The following KCTD1 variants were observed in gnomAD, a reference collection of about 807,000 sequenced individuals.
The protein encoded by KCTD1 is potassium channel tetramerization domain containing 1, also known as BTB/POZ domain-containing protein KCTD1.
In KCTD1, 24 loss-of-function variants were observed where a neutral mutation model predicts 66.0. The ratio of observed to expected loss-of-function variants is 0.36; its 90% CI spans 0.26 to 0.51. The LOEUF (loss-of-function observed/expected upper bound fraction) is 0.51. Ranked by LOEUF, KCTD1 falls within the 20% of genes least tolerant of loss-of-function variation. The pLI, the probability that KCTD1 is intolerant of heterozygous loss-of-function variation, is 0.95. For missense variants in KCTD1, 943 were observed against 1,205.2 expected (o/e 0.78, Z 3.22); for synonymous variants, 511 against 517.2 (o/e 0.99, Z 0.16).
chr18:26,610,594 AAAGG>A (rs1235940822), intron 1 of KCTD1, among the ~76,000 whole-genome samples: 123 of 147,686 alleles, frequency 8.3e-4, no homozygotes, highest in Admixed American at 2.9e-3. Context: ...AGAGAGAAAG[AAAGG>A]AAGGAAGGAA....
At chr18:26,496,984 G>A (rs1982510117) in intron 2 of KCTD1, among the ~76,000 whole-genome samples, 1 of 152,120 alleles carries the variant, frequency 6.6e-6, no homozygotes, top group Non-Finnish European at 1.5e-5. Context: ...TATTGGTCTG[G>A]AGCAGGGCCT....
At chr18:26,549,441 C>G (rs529357146), upstream of KCTD1, 1 of 985,526 alleles carries the variant, frequency 1.0e-6, no homozygotes, top group East Asian at 1.1e-4. Context: ...TCCAGCCAGC[C>G]CCGGGAAGGA....
intron 3 of KCTD1, among the ~76,000 whole-genome samples, chr18:26,473,687 C>A (rs1394304758): frequency 1.3e-5 from 2 of 152,096 alleles, no homozygotes; most frequent in Non-Finnish European, 2.9e-5. Flanking sequence ...AGCCATGTTG[C>A]ACAAACCAAA....
At chr18:26,639,395 T>C (rs1987789324) in intron 1 of KCTD1, among the ~76,000 whole-genome samples, 1 of 152,044 alleles carries the variant, frequency 6.6e-6, no homozygotes, top group Non-Finnish European at 1.5e-5. Context: ...GGTTCCTATC[T>C]TGTAGGCAGT....
At chr18:26,656,749 C>G (rs1321737835) in intron 1 of KCTD1, among the ~76,000 whole-genome samples, 2 of 151,196 alleles carry the variant, frequency 1.3e-5, no homozygotes, top group Non-Finnish European at 3.0e-5. Flanking sequence ...AGCGCAGCCC[C>G]GGGCGCCGCC....
intron 1 of KCTD1, among the ~76,000 whole-genome samples, chr18:26,521,104 A>G (rs1382046420): frequency 6.6e-6 from 1 of 152,238 alleles, no homozygotes; most frequent in Non-Finnish European, 1.5e-5. Context: ...GGACAGGGAC[A>G]GGCCAAGTCC....
rs562648777 is a variant in KCTD1 at position 26,599,271 on chromosome 18, C to A, written c.-16+29876G>T. 3.2e-5 allele frequency: 22 copies of A among 694,010 alleles called. No homozygotes were observed. The African/African-American group carries it at 3.9e-4, about 12-fold the overall frequency. The allele number at this position is 694,010 out of a possible 1,614,324, so 43.0% of individuals were successfully genotyped here. A position where few individuals can be genotyped will look rare whatever the true frequency, so the allele number is the denominator to read the frequency against. ...AGCAAAAGTTGTTGAAAAGACTATTCCTTCTCCATTGAATTGTTTGGTGCT... is the reference window on the plus strand; with the variant it reads ...AGCAAAAGTTGTTGAAAAGACTATTACTTCTCCATTGAATTGTTTGGTGCT... On this transcript the variant is annotated intron_variant, in intron 1 of 4. Coordinates refer to the KCTD1 transcript ENST00000317932.
intron 1 of KCTD1, among the ~76,000 whole-genome samples, chr18:26,513,596 T>C (rs190566606): frequency 6.6e-6 from 1 of 152,346 alleles, no homozygotes; most frequent in Admixed American, 6.5e-5. Flanking sequence ...GCCTAAGCCA[T>C]GTCACCAATG....
intron 1 of KCTD1, among the ~76,000 whole-genome samples, chr18:26,648,506 G>A (rs1056093837): frequency 4.6e-5 from 7 of 152,178 alleles, no homozygotes; most frequent in African/African-American, 1.7e-4. Context: ...AATTGGAGCA[G>A]AAGTATTTAC....
chr18:26,497,731 G>T (rs1036878939), intron 2 of KCTD1, among the ~76,000 whole-genome samples: 2 of 152,210 alleles, frequency 1.3e-5, no homozygotes, highest in Non-Finnish European at 2.9e-5. Flanking sequence ...ATTTGCTTTA[G>T]GTATTAGCAG....
intron 1 of KCTD1, among the ~76,000 whole-genome samples, chr18:26,509,836 C>T (rs1180437169): frequency 6.6e-6 from 1 of 152,202 alleles, no homozygotes; most frequent in Non-Finnish European, 1.5e-5. Context: ...CTGGTTTGAA[C>T]TCAGCCGCCC....
intron 1 of KCTD1, among the ~76,000 whole-genome samples, chr18:26,589,450 G>A (rs1419195962): frequency 6.6e-6 from 1 of 152,088 alleles, no homozygotes; most frequent in Non-Finnish European, 1.5e-5. Context: ...TAAGTAACTG[G>A]AGCAAAGGGG....
At chr18:26,599,341 C>A in intron 1 of KCTD1, 1 of 1,461,690 alleles carries the variant, frequency 6.8e-7, no homozygotes, top group Non-Finnish European at 9.4e-7. Flanking sequence ...GGAGCGAGCC[C>A]AGGTGGCAGT....
chr18:26,636,389 G>A (rs1987723941), intron 1 of KCTD1, among the ~76,000 whole-genome samples: 2 of 152,092 alleles, frequency 1.3e-5, no homozygotes, highest in Non-Finnish European at 1.5e-5. Flanking sequence ...TGAGCAAGCT[G>A]GGACCCTGTG....
intron 1 of KCTD1, among the ~76,000 whole-genome samples, chr18:26,647,334 C>CCG (rs1555649521): frequency 3.5e-5 from 4 of 112,922 alleles, no homozygotes; most frequent in Non-Finnish European, 8.7e-5. Flanking sequence ...TAGTGAAACC[C>CCG]CCCCCCCATC....
At chr18:26,641,139 C>T (rs553515660), upstream of KCTD1, among the ~76,000 whole-genome samples, 1 of 152,148 alleles carries the variant, frequency 6.6e-6, no homozygotes, top group South Asian at 2.1e-4. Context: ...CCTGTTTATA[C>T]CCTCACCTCC....
intron 1 of KCTD1, among the ~76,000 whole-genome samples, chr18:26,534,029 G>C (rs1322850415): frequency 6.6e-6 from 1 of 152,008 alleles, no homozygotes; most frequent in African/African-American, 2.4e-5. Flanking sequence ...AAAAGTGACT[G>C]ATCTCCATAA....
At chr18:26,494,317 G>A (rs1484368276) in intron 2 of KCTD1, among the ~76,000 whole-genome samples, 1 of 152,206 alleles carries the variant, frequency 6.6e-6, no homozygotes, top group African/African-American at 2.4e-5. Flanking sequence ...GCTACAATGA[G>A]CTATGATCCT....
chr18:26,578,512 A>G (rs1006064174), intron 1 of KCTD1, among the ~76,000 whole-genome samples: 1 of 152,110 alleles, frequency 6.6e-6, no homozygotes, highest in African/African-American at 2.4e-5. Flanking sequence ...TCATTTTTTT[A>G]ATAAAATTGT....
Sources: allele counts gnomAD v4.1 joint callset (sites outside exome capture counted in the v4.1 genomes callset), GRCh38; gene constraint gnomAD v4.1.1; transcripts MANE v1.5; gene names NCBI Gene and HGNC (gene_info 2026-07-23, HGNC 2026-07-21).